Variants in ALG12 observed in about 807,000 individuals in gnomAD.
ALG12 encodes the protein ALG12 alpha-1,6-mannosyltransferase, also known as dol-P-Man:Man(7)GlcNAc(2)-PP-Dol alpha-1,6-mannosyltransferase.
A neutral mutation model predicts 46.0 loss-of-function variants in ALG12; 36 were observed. The observed-to-expected ratio is 0.78, with a 90% CI of 0.60 to 1.03. The LOEUF is 1.03. ALG12 is among the 50% of genes least tolerant of loss of function. The pLI, the probability that ALG12 is intolerant of heterozygous loss-of-function variation, is 0.00. For synonymous variants in ALG12, 326 were observed against 291.6 expected, an observed-to-expected ratio of 1.12 and a Z score of -1.20; for missense variants, 599 against 633.5, an observed-to-expected ratio of 0.95 and a Z score of 0.58.
In ALG12 at chr22:49,904,077, A is replaced by C; in HGVS notation, c.1239-11T>G. 1.2e-6 allele frequency: 2 copies of C among 1,614,094 alleles called. No individual in the cohort carries two copies. The highest frequency in any genetic ancestry group is 1.7e-6 in the Non-Finnish European group (2 of 1,179,976). Reference sequence around the variant, plus strand: ...TCCCTCTTGTCGTACCTGTGGGATGAGAGCTGGTGGTCCTGCCCAGGGCCC... The same window carrying C: ...TCCCTCTTGTCGTACCTGTGGGATGCGAGCTGGTGGTCCTGCCCAGGGCCC... On this transcript the variant is annotated splice_polypyrimidine_tract_variant and intron_variant, in intron 9 of 9. Transcript: ENST00000330817.
the ALG12 span, among the ~76,000 whole-genome samples, chr22:49,893,041 G>A: frequency 2.6e-4 from 39 of 152,278 alleles, no homozygotes; most frequent in Middle Eastern, 6.8e-3. Flanking sequence ...AAAACACAAC[G>A]ATGAATGAAG....
At chr22:49,876,303 TG>T in the ALG12 span, among the ~76,000 whole-genome samples, 1 of 152,212 alleles carries the variant, frequency 6.6e-6, no homozygotes, top group Non-Finnish European at 1.5e-5. Flanking sequence ...TGGATAATAG[TG>T]TTGTTTGAAT....
At chr22:49,904,973 C>T (rs1027611468) in intron 7 of ALG12, among the ~76,000 whole-genome samples, 2 of 152,048 alleles carry the variant, frequency 1.3e-5, no homozygotes, top group Non-Finnish European at 2.9e-5. Context: ...CTCCTGACCT[C>T]GTGATCTGCC....
In ALG12 at chr22:49,905,924, A is replaced by G. The variant is rs550814434; in HGVS notation, c.993-1418T>C. ...GTCCTTTGTTCCCGCCCAAACCTGG[A>G]GTGGGCAGTCACTGTGGAAAGCTCG... On this transcript the variant is annotated intron_variant, in intron 7 of 9. Coordinates refer to ENST00000330817, the MANE Select transcript of ALG12 (RefSeq NM_024105.4). The surrounding 1 kb of genome is among the most constrained non-coding windows in gnomAD (Gnocchi z 4.9). 1.1e-4 allele frequency among the ~76,000 whole-genome samples: 17 copies of G among 152,128 alleles called. No individual in the cohort carries two copies. The highest frequency in any genetic ancestry group is 2.2e-4 in the Non-Finnish European group (15 of 68,002).
At chr22:49,865,195 G>A in the ALG12 span, among the ~76,000 whole-genome samples, 1 of 152,096 alleles carries the variant, frequency 6.6e-6, no homozygotes, top group Admixed American at 6.6e-5. Flanking sequence ...TTACTACACT[G>A]AAGCCTGTAG....
At chr22:49,912,777 C>G (rs1410066794) in intron 3 of ALG12, among the ~76,000 whole-genome samples, 2 of 152,074 alleles carry the variant, frequency 1.3e-5, no homozygotes. Context: ...TGAGGTGGGA[C>G]AATCACTTGA....
chr22:49,884,365 A>G, the ALG12 span: 11 of 1,612,820 alleles, frequency 6.8e-6, no homozygotes, highest in Non-Finnish European at 8.5e-6. Flanking sequence ...TTCTGAAGAA[A>G]TCTCCTCTGA....
At chr22:49,883,537 T>C in the ALG12 span, 1 of 1,317,198 alleles carries the variant, frequency 7.6e-7, no homozygotes. Flanking sequence ...GCCATATTTC[T>C]AGAAACATCC....
At chr22:49,914,746 T>G (rs1305486137) in intron 1 of ALG12, among the ~76,000 whole-genome samples, 1 of 152,232 alleles carries the variant, frequency 6.6e-6, no homozygotes, top group Non-Finnish European at 1.5e-5. Flanking sequence ...TTTAAAAATT[T>G]TTTTTAAGAG....
intron 1 of ALG12, 108 bp downstream of exon 1, chr22:49,918,155 C>T (rs964277549): frequency 6.6e-6 from 1 of 152,434 alleles, no homozygotes; most frequent in African/African-American, 2.4e-5. Context: ...GCGGTGAGGC[C>T]TCAGGAATCC....
At chr22:49,873,651 A>G in the ALG12 span, among the ~76,000 whole-genome samples, 1 of 150,890 alleles carries the variant, frequency 6.6e-6, no homozygotes, top group Non-Finnish European at 1.5e-5. Context: ...GGGAAAAAAA[A>G]GTATCTGCAA....
chr22:49,882,962 A>C, the ALG12 span, among the ~76,000 whole-genome samples: 2 of 152,374 alleles, frequency 1.3e-5, no homozygotes, highest in South Asian at 4.1e-4. Context: ...AAGGATGAAT[A>C]GATCTCAAGG....
At chr22:49,890,556 A>G in the ALG12 span, among the ~76,000 whole-genome samples, 1 of 152,210 alleles carries the variant, frequency 6.6e-6, no homozygotes. Context: ...CGGGACTGTA[A>G]GGTGGATGCC....
rs1293955605 is a variant in ALG12, at chr22:49,910,431, T to C, written c.469+3A>G. The C allele has an allele frequency of 6.2e-7, 1 of 1,613,266 alleles. No individual in the cohort carries two copies. The highest frequency in any genetic ancestry group is 1.1e-5 in the South Asian group (1 of 91,050). ...TGTGCAGGCCCGGCCGGCAGCTACG[T>C]ACCTACAGGCAGGGCCAGCACATTG... On this transcript the variant is annotated splice_donor_region_variant and intron_variant, in intron 4 of 9. Transcript: ENST00000330817.
chr22:49,879,951 G>T, the ALG12 span, among the ~76,000 whole-genome samples: 2 of 148,524 alleles, frequency 1.3e-5, no homozygotes, highest in African/African-American at 4.9e-5. Context: ...CTATTGGTTG[G>T]TTTTTCTCCT....
At chr22:49,879,673 GTGTC>G in the ALG12 span, among the ~76,000 whole-genome samples, 2 of 84,050 alleles carry the variant, frequency 2.4e-5, no homozygotes, top group African/African-American at 7.0e-5. Flanking sequence ...CTCCTGGTCA[GTGTC>G]TGGGCGTGTT....
chr22:49,915,505 C>T (rs1019925962), intron 1 of ALG12, among the ~76,000 whole-genome samples: 23 of 151,786 alleles, frequency 1.5e-4, no homozygotes, highest in African/African-American at 4.8e-4. Flanking sequence ...CGCAGTGAGC[C>T]GAGATCACAC....
rs181168307 is a variant in ALG12 at position 49,905,095 on chromosome 22, C to T, written c.993-589G>A. Among the ~76,000 whole-genome samples the T allele has an allele frequency of 6.6e-5, 10 of 151,900 alleles. No homozygotes were observed. The highest frequency in any genetic ancestry group is 4.2e-4 in the South Asian group (2 of 4,810). On this transcript the variant is annotated intron_variant, in intron 7 of 9. Transcript: ENST00000330817. This position sits in a 1 kb window ranked among gnomAD's most constrained non-coding sequence, Gnocchi z 4.9. ...TGTGTAGGTCAGAGTGCCACCCGCG[C>T]GGCCAAGCCCACTCCCAGCAGGTCT...
chr22:49,859,634 T>C, the ALG12 span, among the ~76,000 whole-genome samples: 4 of 152,360 alleles, frequency 2.6e-5, no homozygotes, highest in Non-Finnish European at 4.4e-5. Flanking sequence ...TATTGCTTAA[T>C]GCCCTGTTCG....
Sources: allele counts gnomAD v4.1 joint callset (sites outside exome capture counted in the v4.1 genomes callset), GRCh38; gene constraint gnomAD v4.1.1; non-coding constraint Gnocchi (gnomAD v3.1); transcripts MANE v1.5; gene names NCBI Gene and HGNC (gene_info 2026-07-23, HGNC 2026-07-21).